Variants in CAPSL observed in about 807,000 individuals in gnomAD.
CAPSL encodes calcyphosine like, also known as calcyphosin-like protein.
Under a neutral mutation model 21.3 loss-of-function variants are expected in CAPSL, and 17 were observed. The ratio of observed to expected loss-of-function variants is 0.80; its 90% CI spans 0.55 to 1.20. The LOEUF (loss-of-function observed/expected upper bound fraction) is 1.20, where lower values mean the gene tolerates loss of function less well. CAPSL is among the 50% of genes most tolerant of loss of function. The pLI, the probability that CAPSL is intolerant of heterozygous loss-of-function variation, is 0.00. For missense variants in CAPSL, 289 were observed against 259.3 expected (o/e 1.11, Z -0.79); for synonymous variants, 102 against 89.3 (o/e 1.14, Z -0.80).
chr5:35,920,674 G>A (rs778873518), intron 2 of CAPSL, among the ~76,000 whole-genome samples: 1 of 152,176 alleles, frequency 6.6e-6, no homozygotes, highest in Non-Finnish European at 1.5e-5. Flanking sequence ...CAGCTGCAGA[G>A]AGAGTCCCTC....
intron 2 of CAPSL, among the ~76,000 whole-genome samples, chr5:35,916,465 A>C (rs1027004064): frequency 6.6e-5 from 10 of 152,350 alleles, no homozygotes; most frequent in East Asian, 3.9e-4. Flanking sequence ...TTCAAACTAT[A>C]CTACAAGGCT....
At chr5:35,907,197 G>A (rs984287127) in intron 4 of CAPSL, among the ~76,000 whole-genome samples, 1 of 152,056 alleles carries the variant, frequency 6.6e-6, no homozygotes, top group Non-Finnish European at 1.5e-5. Context: ...CCCAGATGGG[G>A]GTAATGGAAG....
rs754098152 is a variant in CAPSL at position 35,919,170 on chromosome 5, A to AAAAAATATAT, written c.137+1813_137+1814insATATATTTTT. ...AGTATCTTTCCTGATTAAAAAAAAA[A>AAAAAATATAT]ATATATATATATATATATATAAAAA... On this transcript the variant is annotated intron_variant, in intron 2 of 4. Transcript: ENST00000651391. 7.2e-4 allele frequency among the ~76,000 whole-genome samples: 87 copies of AAAAAATATAT among 121,264 alleles called. 3 individuals are homozygous for AAAAAATATAT. The South Asian group carries it at 0.013, about 18-fold the overall frequency. 79.6% of individuals were successfully genotyped at this position (121,264 alleles called of 152,430 possible).
At chr5:35,910,581 C>T (rs148259091) in intron 2 of CAPSL, 38 bp from the exon 3 acceptor site, 3 of 1,436,576 alleles carry the variant, frequency 2.1e-6, no homozygotes, top group Admixed American at 1.9e-5. Flanking sequence ...AAGAAATGTA[C>T]AAATAACAGG....
intron 1 of CAPSL, among the ~76,000 whole-genome samples, chr5:35,926,440 G>C (rs150665603): frequency 4.2e-4 from 64 of 150,884 alleles, no homozygotes; most frequent in South Asian, 1.3e-3. Flanking sequence ...CTGTCCTCCC[G>C]GTGCACAACC....
chr5:35,917,858 A>T (rs1248803497), intron 2 of CAPSL, among the ~76,000 whole-genome samples: 1 of 152,024 alleles, frequency 6.6e-6, no homozygotes, highest in African/African-American at 2.4e-5. Flanking sequence ...CTAAAACTTA[A>T]AGTATAATAA....
chr5:35,917,809 A>G (rs181312842), intron 2 of CAPSL, among the ~76,000 whole-genome samples: 139 of 152,326 alleles, frequency 9.1e-4, no homozygotes, highest in Admixed American at 2.0e-3. Context: ...TGGCACATGT[A>G]TACATATGTA....
intron 2 of CAPSL, among the ~76,000 whole-genome samples, chr5:35,917,211 AAAC>A (rs1738413321): frequency 6.6e-6 from 1 of 152,174 alleles, no homozygotes; most frequent in South Asian, 2.1e-4. Context: ...AAAAGTCAGG[AAAC>A]AACAGGTGCT....
intron 2 of CAPSL, among the ~76,000 whole-genome samples, chr5:35,917,125 T>C (rs1317140476): frequency 6.6e-6 from 1 of 152,222 alleles, no homozygotes; most frequent in African/African-American, 2.4e-5. Context: ...ATGCTCATCA[T>C]CACTGGCCAT....
rs539120636 is a variant in CAPSL, at chr5:35,910,057, T to C, written c.334A>G (p.Arg112Gly). The C allele has an allele frequency of 6.8e-6, 11 of 1,611,766 alleles. No homozygotes were observed. The highest frequency in any genetic ancestry group is 4.4e-5 in the South Asian group (4 of 90,320). The change falls in exon 4 of 5, where the codon AGA (arginine) becomes GGA (glycine). Residue 112 changes from arginine to glycine, a missense_variant. By Grantham distance (125) the Arg-to-Gly change is moderately radical (BLOSUM62 -2). Transcript: ENST00000651391. ...LTLRPPMSRA[R>G]KEVIMQAFRK... ...AAAGCTTGCATGATTACCTCTTTTC[T>C]GGCTCTGGACATTGGAGGCTACAAA...
At chr5:35,926,093 A>C (rs976449867) in intron 1 of CAPSL, among the ~76,000 whole-genome samples, 2 of 147,850 alleles carry the variant, frequency 1.4e-5, no homozygotes, top group East Asian at 2.0e-4. Context: ...AAAAAAAAAA[A>C]ACGAAAAAAC....
intron 2 of CAPSL, among the ~76,000 whole-genome samples, chr5:35,917,533 G>C (rs1738423690): frequency 6.6e-6 from 1 of 152,132 alleles, no homozygotes; most frequent in African/African-American, 2.4e-5. Flanking sequence ...ATACTATGCA[G>C]CCATAAAAAA....
At chr5:35,922,953 C>A (rs852248) in intron 1 of CAPSL, among the ~76,000 whole-genome samples, 89,634 of 151,850 alleles carry the variant, frequency 0.59, 26,544 homozygotes, top group South Asian at 0.66. Flanking sequence ...CCATATTCTG[C>A]TAGTGGCATG....
intron 1 of CAPSL, among the ~76,000 whole-genome samples, chr5:35,931,293 G>T (rs1738816841): frequency 6.6e-6 from 1 of 152,162 alleles, no homozygotes; most frequent in African/African-American, 2.4e-5. Flanking sequence ...CTCATGAGGA[G>T]AGAGAAAGTC....
chr5:35,917,198 T>A (rs1211197577), intron 2 of CAPSL, among the ~76,000 whole-genome samples: 1 of 152,118 alleles, frequency 6.6e-6, no homozygotes, highest in Admixed American at 6.5e-5. Context: ...ATGACGATCA[T>A]TAAAAAGTCA....
intron 2 of CAPSL, among the ~76,000 whole-genome samples, chr5:35,915,033 C>A (rs1249429947): frequency 1.3e-5 from 2 of 152,050 alleles, no homozygotes; most frequent in African/African-American, 4.8e-5. Context: ...GGGATATCAC[C>A]ACCGATCCCA....
chr5:35,936,657 C>A (rs1033572488), intron 1 of CAPSL, among the ~76,000 whole-genome samples: 1 of 152,132 alleles, frequency 6.6e-6, no homozygotes, highest in African/African-American at 2.4e-5. Context: ...AAATCTAACT[C>A]CCTGTCTCTC....
At chr5:35,906,446 C>T (rs1760681673) in intron 4 of CAPSL, among the ~76,000 whole-genome samples, 1 of 152,084 alleles carries the variant, frequency 6.6e-6, no homozygotes, top group South Asian at 2.1e-4. Flanking sequence ...CCTTTGCTTT[C>T]CTGATGCAGG....
chr5:35,906,542 C>A (rs1760683426), intron 4 of CAPSL, among the ~76,000 whole-genome samples: 1 of 152,184 alleles, frequency 6.6e-6, no homozygotes, highest in African/African-American at 2.4e-5. Flanking sequence ...AGGCAACCAT[C>A]TTGAGATCAT....
Sources: allele counts gnomAD v4.1 joint callset (sites outside exome capture counted in the v4.1 genomes callset), GRCh38; gene constraint gnomAD v4.1.1; transcripts MANE v1.5; gene names NCBI Gene and HGNC (gene_info 2026-07-23, HGNC 2026-07-21).